The following PLOD2 variants were observed in gnomAD, a reference collection of about 807,000 sequenced individuals.
The protein encoded by PLOD2 is lysine hydroxylase 2.
Under a neutral mutation model 101.0 loss-of-function variants are expected in PLOD2, and 65 were observed. The ratio of observed to expected loss-of-function variants is 0.64; its 90% CI spans 0.53 to 0.79. The LOEUF is 0.79. Ranked by LOEUF, PLOD2 falls within the 30% of genes least tolerant of loss-of-function variation. The pLI, the probability that PLOD2 is intolerant of heterozygous loss-of-function variation, is 0.00. For missense variants in PLOD2, 909 were observed against 914.6 expected, an observed-to-expected ratio of 0.99 and a Z score of 0.08; for synonymous variants, 314 against 302.9, an observed-to-expected ratio of 1.04 and a Z score of -0.38.
intron 3 of PLOD2, among the ~76,000 whole-genome samples, chr3:146,120,638 G>T (rs1004028443): frequency 6.6e-6 from 1 of 152,170 alleles, no homozygotes; most frequent in Non-Finnish European, 1.5e-5. Context: ...TTAAGCTAAA[G>T]AGCTTCTGCA....
Position 146,079,138 on chromosome 3 carries a change from A to G in PLOD2, c.1478T>C (p.Leu493Pro). 6.2e-7 allele frequency: 1 copy of G among 1,612,968 alleles called. No individual in the cohort carries two copies. The highest frequency in any genetic ancestry group is 1.1e-5 in the South Asian group (1 of 91,062). ...VRDKLDPDMA[L>P]CRNAREMTLQ... is the part of the protein sequence containing the mutation. The stretch of plus-strand genomic sequence containing the variant: ...TACCATTTCTCTAGCATTTCGGCAA[A>G]GAGCCATATCAGGATCCAGTTTATC... Residue 493 changes from leucine to proline, a missense_variant, in exon 13 of 20, where the codon CTT becomes CCT. Physicochemically the swap from Leu to Pro is moderately conservative, Grantham distance 98. Transcript: ENST00000282903.
chr3:146,142,060 C>T (rs1055485980), intron 1 of PLOD2, among the ~76,000 whole-genome samples: 1 of 152,008 alleles, frequency 6.6e-6, no homozygotes, highest in Non-Finnish European at 1.5e-5. Flanking sequence ...CTGTATCTAA[C>T]CATACATCTA....
At chr3:146,133,017 T>C (rs1221343957) in intron 1 of PLOD2, among the ~76,000 whole-genome samples, 1 of 151,896 alleles carries the variant, frequency 6.6e-6, no homozygotes, top group Non-Finnish European at 1.5e-5. Flanking sequence ...CTACTAAAAA[T>C]ACAAAAAAAT....
At chr3:146,148,722 A>G (rs2031915794) in intron 1 of PLOD2, among the ~76,000 whole-genome samples, 1 of 152,256 alleles carries the variant, frequency 6.6e-6, no homozygotes, top group Admixed American at 6.5e-5. Context: ...AAGTGATATA[A>G]AACACATCCA....
At chr3:146,152,290 C>T (rs1211121716) in intron 1 of PLOD2, among the ~76,000 whole-genome samples, 1 of 152,082 alleles carries the variant, frequency 6.6e-6, no homozygotes. Context: ...CGTGGTGGCA[C>T]GCACCTGTAA....
In PLOD2 at chr3:146,085,178, T is replaced by A; in HGVS notation, c.1223A>T (p.Glu408Val). 6.8e-7 allele frequency: 1 copy of A among 1,468,276 alleles called. No homozygotes were observed. The allele number at this position is 1,468,276 out of a possible 1,614,324, so 91.0% of individuals were successfully genotyped here. A position where few individuals can be genotyped will look rare whatever the true frequency, so the allele number is the denominator to read the frequency against. Reference protein sequence around the residue: ...TNPRTLKILIEQNRKIIAPLV... With the variant: ...TNPRTLKILIVQNRKIIAPLV... ...GAATTTTAGAAAGTACCTGTTTTGT[T>A]CAATCAAAATTTTTAAAGTCCTTGG... Residue 408 changes from glutamate to valine, a missense_variant, in exon 11 of 20, where the codon GAA becomes GTA. Coordinates refer to ENST00000282903, the MANE Select transcript of PLOD2 (RefSeq NM_182943.3).
At chr3:146,140,597 C>T (rs184096981) in intron 1 of PLOD2, among the ~76,000 whole-genome samples, 5 of 152,168 alleles carry the variant, frequency 3.3e-5, no homozygotes, top group African/African-American at 4.8e-5. Flanking sequence ...ATACACAATA[C>T]GCTTTAATAA....
intron 4 of PLOD2, among the ~76,000 whole-genome samples, chr3:146,107,226 T>C (rs1458520568): frequency 6.6e-6 from 1 of 152,214 alleles, no homozygotes; most frequent in Non-Finnish European, 1.5e-5. Flanking sequence ...TGCTAAACCA[T>C]TTTCTGGCTA....
chr3:146,141,442 C>A (rs1033149505), intron 1 of PLOD2, among the ~76,000 whole-genome samples: 1 of 151,958 alleles, frequency 6.6e-6, no homozygotes, highest in South Asian at 2.1e-4. Context: ...GAAAGAAATC[C>A]CCAACCTCAG....
chr3:146,103,091 T>C (rs924078025), intron 6 of PLOD2, among the ~76,000 whole-genome samples: 5 of 152,124 alleles, frequency 3.3e-5, no homozygotes, highest in African/African-American at 1.2e-4. Flanking sequence ...CTGGCACCAG[T>C]AAAGTGATTG....
chr3:146,104,936 AG>A (rs1937511483), intron 5 of PLOD2: 1 of 152,328 alleles, frequency 6.6e-6, no homozygotes, highest in South Asian at 2.1e-4. Flanking sequence ...GGCAACTTAA[AG>A]AGAGTGATGA....
At position 146,096,893 on chromosome 3, in the gene PLOD2, T is replaced by C. The variant is rs1316991506; in HGVS notation, c.778-4992A>G. Among the ~76,000 whole-genome samples, 26 of 49,488 alleles carry C rather than the reference T, an allele frequency of 5.3e-4. 2 individuals are homozygous for C. Among genetic ancestry groups the C allele is most frequent in the East Asian group, 1.4e-3 (2 of 1,480 alleles). 32.5% of individuals were successfully genotyped at this position (49,488 alleles called of 152,430 possible). A position where few individuals can be genotyped will look rare whatever the true frequency, so the allele number is the denominator to read the frequency against. On this transcript the variant is annotated intron_variant, in intron 7 of 19. Transcript: ENST00000282903. ...CCGGGAGGGAGGTGGGGGGGGGGAGTCGGCCAGCCGCCCCGTCCAGGAGGT... is the reference window on the plus strand; with the variant it reads ...CCGGGAGGGAGGTGGGGGGGGGGAGCCGGCCAGCCGCCCCGTCCAGGAGGT...
chr3:146,127,030 T>C (rs1294322407), intron 1 of PLOD2, among the ~76,000 whole-genome samples: 2 of 152,214 alleles, frequency 1.3e-5, no homozygotes, highest in Non-Finnish European at 2.9e-5. Context: ...CATTCACTTA[T>C]TCAGTCAACA....
At chr3:146,107,109 A>T (rs1937548095) in intron 4 of PLOD2, among the ~76,000 whole-genome samples, 1 of 152,224 alleles carries the variant, frequency 6.6e-6, no homozygotes, top group Admixed American at 6.5e-5. Flanking sequence ...TGCTAATGCA[A>T]TCAAACGAAT....
intron 11 of PLOD2, among the ~76,000 whole-genome samples, chr3:146,082,683 G>C (rs1936602730): frequency 6.6e-6 from 1 of 152,088 alleles, no homozygotes; most frequent in Non-Finnish European, 1.5e-5. Context: ...ACAAGGTCAG[G>C]AGTTTGAGAC....
At position 146,108,696 on chromosome 3, in the gene PLOD2, T is replaced by C. The variant is rs551651938; in HGVS notation, c.502+1589A>G. On this transcript the variant is annotated intron_variant, in intron 4 of 19. Coordinates refer to ENST00000282903, the MANE Select transcript of PLOD2 (RefSeq NM_182943.3). ...CCCACTTAAAACACCTTTTCCTTAA[T>C]TAAACTGACTTACAACTGCACTTGC... 3.9e-4 allele frequency among the ~76,000 whole-genome samples: 59 copies of C among 152,322 alleles called. 1 individual carries two copies. Among genetic ancestry groups the C allele is most frequent in the South Asian group, 2.7e-3 (13 of 4,822 alleles).
chr3:146,102,472 T>A (rs2108053556), intron 7 of PLOD2, among the ~76,000 whole-genome samples: 1 of 152,310 alleles, frequency 6.6e-6, no homozygotes, highest in East Asian at 1.9e-4. Context: ...ATACCCAGTA[T>A]GAGAGAAATG....
chr3:146,097,903 A>G (rs9823126), intron 7 of PLOD2, among the ~76,000 whole-genome samples: 118,030 of 151,836 alleles, frequency 0.78, 45,958 homozygotes, highest in East Asian at 0.83. Flanking sequence ...TCCTTTGCAG[A>G]GACAAGGATG....
intron 1 of PLOD2, among the ~76,000 whole-genome samples, chr3:146,137,217 C>T (rs2031281509): frequency 6.6e-6 from 1 of 152,164 alleles, no homozygotes; most frequent in Admixed American, 6.5e-5. Context: ...AATACAGCTC[C>T]ATAATGTTGC....
Sources: gnomAD v4.1 joint callset for allele counts (sites outside exome capture counted in the v4.1 genomes callset) on GRCh38, gnomAD v4.1.1 for gene constraint, MANE v1.5 for transcripts, NCBI Gene and HGNC (gene_info 2026-07-23, HGNC 2026-07-21) for gene names.